Variants in WWP1 observed in about 807,000 individuals in gnomAD.
WWP1 encodes the protein WW domain containing E3 ubiquitin protein ligase 1.
A neutral mutation model predicts 130.6 loss-of-function variants in WWP1; 49 were observed. That is an observed-to-expected ratio of 0.38 (90% CI 0.30 to 0.48). WWP1 has a LOEUF of 0.48. Among genes scored for constraint, WWP1 ranks in the 20% least tolerant of loss-of-function variants. The pLI is 0.99. For synonymous variants in WWP1, 332 were observed against 367.8 expected (o/e 0.90, Z 1.11); for missense variants, 809 against 1,100.6 (o/e 0.74, Z 3.75).
intron 2 of WWP1, among the ~76,000 whole-genome samples, chr8:86,372,468 T>A (rs1824378242): frequency 6.6e-6 from 1 of 152,188 alleles, no homozygotes; most frequent in African/African-American, 2.4e-5. Context: ...CTTATTTGGT[T>A]AGTATGCCCC....
At chr8:86,406,715 C>T (rs1476341101) in intron 8 of WWP1, among the ~76,000 whole-genome samples, 1 of 152,064 alleles carries the variant, frequency 6.6e-6, no homozygotes, top group Admixed American at 6.5e-5. Context: ...CTTCATGTAC[C>T]ACCAGTTCAA....
At chr8:86,374,430 T>A (rs1824511800) in intron 3 of WWP1, among the ~76,000 whole-genome samples, 1 of 152,204 alleles carries the variant, frequency 6.6e-6, no homozygotes, top group Non-Finnish European at 1.5e-5. Context: ...AAAGGCCTTC[T>A]TACATACATT....
intron 17 of WWP1, among the ~76,000 whole-genome samples, chr8:86,441,722 C>T (rs953623180): frequency 6.6e-6 from 1 of 152,172 alleles, no homozygotes; most frequent in African/African-American, 2.4e-5. Flanking sequence ...AGAAATTCTT[C>T]TTCCTTAAAA....
chr8:86,427,163 CAAA>C (rs750674032), intron 10 of WWP1, among the ~76,000 whole-genome samples: 1 of 127,508 alleles, frequency 7.8e-6, no homozygotes. Flanking sequence ...AACGCCATCT[CAAA>C]AAAAAAAAAA....
At chr8:86,460,971 G>A (rs533908918) in intron 22 of WWP1, among the ~76,000 whole-genome samples, 18 of 151,430 alleles carry the variant, frequency 1.2e-4, no homozygotes, top group African/African-American at 2.7e-4. Flanking sequence ...CACCACGCCC[G>A]GCTAATTTTT....
At chr8:86,345,045 G>A (rs2130049486) in intron 1 of WWP1, among the ~76,000 whole-genome samples, 1 of 152,232 alleles carries the variant, frequency 6.6e-6, no homozygotes, top group South Asian at 2.1e-4. Flanking sequence ...AGACCCTGGA[G>A]GTAGAAAGAC....
At chr8:86,460,769 T>C (rs1040090365) in intron 22 of WWP1, among the ~76,000 whole-genome samples, 15 of 137,852 alleles carry the variant, frequency 1.1e-4, no homozygotes, top group African/African-American at 2.6e-5. Context: ...TGACAAACCC[T>C]ACAACCTCTT....
chr8:86,365,857 A>G (rs1823937173), intron 1 of WWP1, among the ~76,000 whole-genome samples: 1 of 152,194 alleles, frequency 6.6e-6, no homozygotes, highest in Non-Finnish European at 1.5e-5. Flanking sequence ...AGTTAGATGT[A>G]TACATTGAGA....
chr8:86,406,502 CAG>C (rs1185958301), intron 8 of WWP1, among the ~76,000 whole-genome samples: 4 of 152,094 alleles, frequency 2.6e-5, no homozygotes, highest in Admixed American at 1.3e-4. Context: ...TATAAATAAA[CAG>C]AAAGTTGCAA....
rs1808602683 is a variant in WWP1, at chr8:86,411,794, C to G, written c.981C>G (p.Ala327=). 6.2e-6 allele frequency: 10 copies of G among 1,614,072 alleles called. No homozygotes were observed. In the Middle Eastern group the frequency reaches 1.5e-3, roughly 240 times the overall value. ...GAAGTAGTTCTGCTTTTGAAGCAGCCAAATCAAGACAGCCAGATGGGTGTA... is the reference window on the plus strand; with the variant it reads ...GAAGTAGTTCTGCTTTTGAAGCAGCGAAATCAAGACAGCCAGATGGGTGTA... ...NSRSSSAFEA[A]KSRQPDGCMD... Residue 327 remains alanine, a synonymous_variant, in exon 9 of 25, where the codon GCC becomes GCG. Coordinates refer to ENST00000517970, the MANE Select transcript of WWP1 (RefSeq NM_007013.4).
Position 86,370,855 on chromosome 8 carries a change from C to CTTTTTTTTTTTTTTTTTTTTTT in WWP1, c.-22+1831_-22+1852dup, listed in dbSNP as rs555585296. On this transcript the variant is annotated intron_variant, in intron 2 of 24. Transcript: ENST00000517970. Reference sequence around the variant, plus strand: ...GGTATTGCTTATAGCTATATTCATTCTTTTTTTTTTTTTTTTTTTTTTTTT... The same window carrying CTTTTTTTTTTTTTTTTTTTTTT: ...GGTATTGCTTATAGCTATATTCATTCTTTTTTTTTTTTTTTTTTTTTTTTTTTTTTTTTTTTTTTTTTTTTTT... Among the ~76,000 whole-genome samples the CTTTTTTTTTTTTTTTTTTTTTT allele has an allele frequency of 8.9e-5, 4 of 44,862 alleles. 2 individuals carry two copies. The highest frequency in any genetic ancestry group is 4.2e-4 in the African/African-American group (4 of 9,634). The allele number at this position is 44,862 out of a possible 152,430, so 29.4% of individuals were successfully genotyped here.
chr8:86,434,448 A>G (rs147399265), intron 14 of WWP1, among the ~76,000 whole-genome samples: 2 of 152,286 alleles, frequency 1.3e-5, no homozygotes, highest in African/African-American at 2.4e-5. Flanking sequence ...CCGAAACTCC[A>G]TATGGCTTTT....
chr8:86,432,146 T>G (rs951204291), intron 14 of WWP1, among the ~76,000 whole-genome samples: 2 of 152,218 alleles, frequency 1.3e-5, no homozygotes, highest in East Asian at 3.8e-4. Context: ...CTCTGTGCTC[T>G]TAACTGCCAC....
At chr8:86,370,284 A>G (rs1824209511) in intron 2 of WWP1, among the ~76,000 whole-genome samples, 1 of 152,258 alleles carries the variant, frequency 6.6e-6, no homozygotes. Context: ...GTTTGAGCAG[A>G]CATAAAAATA....
At position 86,467,160 on chromosome 8, in the gene WWP1, A is replaced by G. The variant is rs1296220842; in HGVS notation, c.*267A>G. The G allele has an allele frequency of 1.6e-5, 4 of 256,184 alleles. No individual in the cohort carries two copies. The highest frequency in any genetic ancestry group is 5.8e-5 in the Admixed American group (1 of 17,252). 15.9% of individuals were successfully genotyped at this position (256,184 alleles called of 1,614,324 possible). On this transcript the variant is annotated 3_prime_UTR_variant, in exon 25 of 25. Coordinates refer to ENST00000517970, the MANE Select transcript of WWP1 (RefSeq NM_007013.4). ...CTTTATTAAAAATACATATATATCT[A>G]TATAAACATATATGATAGTGGCTCT...
intron 1 of WWP1, among the ~76,000 whole-genome samples, chr8:86,362,171 T>C (rs1586260869): frequency 1.6e-5 from 1 of 63,740 alleles, no homozygotes; most frequent in South Asian, 5.3e-4. Context: ...GGCATATATA[T>C]ATATATATAT....
At chr8:86,436,318 G>T (rs1810288287) in intron 16 of WWP1, among the ~76,000 whole-genome samples, 1 of 152,080 alleles carries the variant, frequency 6.6e-6, no homozygotes, top group Non-Finnish European at 1.5e-5. Context: ...AATTAAATTG[G>T]TAGATACTGT....
chr8:86,357,310 G>A (rs1823319958), intron 1 of WWP1, among the ~76,000 whole-genome samples: 1 of 151,990 alleles, frequency 6.6e-6, no homozygotes, highest in South Asian at 2.1e-4. Context: ...ACTCTTGGAG[G>A]GATATTTTCT....
chr8:86,424,327 A>G lies in WWP1; in HGVS notation c.1062-896A>G, dbSNP rs1301679891. 3.3e-3 allele frequency among the ~76,000 whole-genome samples: 455 copies of G among 135,882 alleles called. 2 individuals are homozygous for G. Among genetic ancestry groups the G allele is most frequent in the African/African-American group, 0.012 (430 of 35,276 alleles). The allele number at this position is 135,882 out of a possible 152,430, so 89.1% of individuals were successfully genotyped here. ...GCGCTCCTCACTTCCCAGACTGGGC[A>G]GCCGGGCAGAGGGGCTCCTCACATC... On this transcript the variant is annotated intron_variant, in intron 9 of 24. Coordinates refer to ENST00000517970, the MANE Select transcript of WWP1 (RefSeq NM_007013.4).
Sources: allele counts gnomAD v4.1 joint callset (sites outside exome capture counted in the v4.1 genomes callset), GRCh38; gene constraint gnomAD v4.1.1; transcripts MANE v1.5; gene names NCBI Gene and HGNC (gene_info 2026-07-23, HGNC 2026-07-21).